The following SLC12A4 variants were observed in gnomAD, a reference collection of about 807,000 sequenced individuals.
SLC12A4 encodes the protein electroneutral potassium-chloride cotransporter 1.
A neutral mutation model predicts 119.2 loss-of-function variants in SLC12A4; 84 were observed. The observed-to-expected ratio is 0.70, with a 90% CI of 0.59 to 0.85. SLC12A4 has a LOEUF of 0.85. Ranked by LOEUF, SLC12A4 falls within the 40% of genes least tolerant of loss-of-function variation. The pLI is 0.00. For synonymous variants in SLC12A4, 599 were observed against 604.6 expected (o/e 0.99, Z 0.14); for missense variants, 1,298 against 1,476.3 (o/e 0.88, Z 1.98).
chr16:67,948,229 CTGGCCCAGAAACGGGGCG>C lies in SLC12A4; in HGVS notation c.1749-88_1749-71del. On this transcript the variant is annotated intron_variant, in intron 13 of 23. Transcript: ENST00000316341. ...CTGGGGACCTGATGTCAGGCTGGGC[CTGGCCCAGAAACGGGGCG>C]TGGCCCGGCCCTGCCCTGCATGGCT... is the stretch of plus-strand genomic sequence containing the variant. 3 of 1,504,202 alleles carry C rather than the reference CTGGCCCAGAAACGGGGCG, an allele frequency of 2.0e-6. No homozygotes were observed. In the Admixed American group the frequency reaches 5.1e-5, roughly 26 times the overall value. The allele number at this position is 1,504,202 out of a possible 1,614,324, so 93.2% of individuals were successfully genotyped here.
chr16:67,949,682 C>T lies in SLC12A4; in HGVS notation c.1748+118G>A, dbSNP rs1003617682. 6.5e-5 allele frequency: 44 copies of T among 681,734 alleles called. No individual in the cohort carries two copies. Among genetic ancestry groups the T allele is most frequent in the Non-Finnish European group, 9.9e-5 (40 of 405,710 alleles). 42.2% of individuals were successfully genotyped at this position (681,734 alleles called of 1,614,324 possible). ...GGCTGAGCCCTGTCAGGCCACATCT[C>T]CCCATGCAGCCTGCCACATCTCCCA... On this transcript the variant is annotated intron_variant, in intron 13 of 23. Coordinates refer to ENST00000316341, the MANE Select transcript of SLC12A4 (RefSeq NM_005072.5). The surrounding 1 kb of genome is among the most constrained non-coding windows in gnomAD (Gnocchi z 4.6).
intron 6 of SLC12A4, among the ~76,000 whole-genome samples, chr16:67,952,851 G>C (rs1208179034): frequency 6.6e-6 from 1 of 152,146 alleles, no homozygotes; most frequent in Non-Finnish European, 1.5e-5. Context: ...ACTTTGGGAG[G>C]CTGAGGCGGT....
Position 67,947,120 on chromosome 16 carries a change from T to TG in SLC12A4, c.2073-16dup, listed in dbSNP as rs753005066. The TG allele has an allele frequency of 1.9e-6, 3 of 1,570,294 alleles. No individual in the cohort carries two copies. Among genetic ancestry groups the TG allele is most frequent in the East Asian group, 2.4e-5 (1 of 42,110 alleles). On this transcript the variant is annotated splice_polypyrimidine_tract_variant and intron_variant, in intron 16 of 23. Transcript: ENST00000316341. ...GCAGCTGCGGCCTGCAGTGGCCGGG[T>TG]GGGGGGAGCCTGAGACCAGGGCCGG...
chr16:67,947,835 C>T, intron 14 of SLC12A4, 47 bp from the exon 15 acceptor site: 1 of 1,548,570 alleles, frequency 6.5e-7, no homozygotes. Flanking sequence ...AGGAGGACCC[C>T]TGGCCACAGC....
chr16:67,946,281 A>C lies in SLC12A4; in HGVS notation c.2497T>G (p.Phe833Val). The part of the protein sequence containing the change: ...LALLVPKNIA[F>V]YPSNHERYLE... The stretch of plus-strand genomic sequence containing the variant: ...TAGCGCTCGTGGTTGCTGGGGTAGA[A>C]GGCGATGTTCTTGGGCACGAGCAGG... Residue 833 changes from phenylalanine (F) to valine (V), a missense_variant, in exon 19 of 24, where the codon TTC (phenylalanine) becomes GTC (valine). Phe to Val is a conservative substitution (Grantham distance 50). Transcript: ENST00000316341. 6.2e-7 allele frequency: 1 copy of C among 1,613,392 alleles called. No homozygotes were observed. The highest frequency in any genetic ancestry group is 8.5e-7 in the Non-Finnish European group (1 of 1,180,014).
chr16:67,950,319 C>T lies in SLC12A4; in HGVS notation c.1629G>A (p.Arg543=), dbSNP rs761797121. ...IAKDNIIPFL[R]VFGHGKVNGE... is the part of the protein sequence containing the mutation. ...CATGGGGGAGTGCAGAGGGGCTCAC[C>T]CGGAGGAAGGGGATGATGTTGTCCT... The change falls in exon 12 of 24, where the codon CGG becomes CGA. Residue 543 remains arginine (R), a splice_region_variant and synonymous_variant. Transcript: ENST00000316341. The surrounding 1 kb of genome is among the most constrained non-coding windows in gnomAD (Gnocchi z 4.3). The T allele has an allele frequency of 9.3e-6, 15 of 1,613,258 alleles. No individual in the cohort carries two copies. In the South Asian group the frequency reaches 1.6e-4, roughly 18 times the overall value.
At chr16:67,952,991 G>A (rs746314358) in intron 6 of SLC12A4, among the ~76,000 whole-genome samples, 2 of 151,270 alleles carry the variant, frequency 1.3e-5, no homozygotes, top group Non-Finnish European at 2.9e-5. Flanking sequence ...CCAGCTACTC[G>A]GGAGGCTGAG....
Position 67,944,997 on chromosome 16 carries a change from GC to G in SLC12A4, c.3167-67del. 6.2e-7 allele frequency: 1 copy of G among 1,609,848 alleles called. No individual in the cohort carries two copies. Among genetic ancestry groups the G allele is most frequent in the African/African-American group, 1.3e-5 (1 of 75,002 alleles). ...GGGCAACCCGGGCCACCTGGGCCAT[GC>G]CCACCCAGGGGTGCCCAGGAGAGAA... On this transcript the variant is annotated intron_variant, in intron 23 of 23. Coordinates refer to ENST00000316341, the MANE Select transcript of SLC12A4 (RefSeq NM_005072.5). The surrounding 1 kb of genome is among the most constrained non-coding windows in gnomAD (Gnocchi z 6.6).
In SLC12A4 at chr16:67,943,763, T is replaced by G; in HGVS notation, c.*1077A>C. 3 of 602,458 alleles carry G rather than the reference T, an allele frequency of 5.0e-6. No homozygotes were observed. The highest frequency in any genetic ancestry group is 8.6e-6 in the Non-Finnish European group (3 of 349,330). 37.3% of individuals were successfully genotyped at this position (602,458 alleles called of 1,614,324 possible). On this transcript the variant is annotated 3_prime_UTR_variant, in exon 24 of 24. Coordinates refer to ENST00000316341, the MANE Select transcript of SLC12A4 (RefSeq NM_005072.5). This position sits in a 1 kb window ranked among gnomAD's most constrained non-coding sequence, Gnocchi z 4.6. ...TGGGTTAGACAACTGAGAGTCACAG[T>G]GTGGTGGGAGAAGGGACGTCATTCC... is the stretch of plus-strand genomic sequence containing the variant.
intron 17 of SLC12A4, 95 bp downstream of exon 17, chr16:67,946,842 T>A: frequency 7.0e-7 from 1 of 1,432,768 alleles, no homozygotes; most frequent in Non-Finnish European, 9.4e-7. Context: ...GCTGCCTGGC[T>A]GGCCACCCTG....
chr16:67,948,571 GTCAGAGATAC>G (rs1422871688), intron 13 of SLC12A4, among the ~76,000 whole-genome samples: 1 of 152,220 alleles, frequency 6.6e-6, no homozygotes, highest in Admixed American at 6.5e-5. Context: ...AATGCAACCA[GTCAGAGATAC>G]TTAAGAGTCA....
chr16:67,946,457 A>G lies in SLC12A4; in HGVS notation c.2418T>C (p.Arg806=). ...PYGWRQSEDP[R]AWKTFIDTVR... is the part of the protein sequence containing the mutation. Reference sequence around the variant, plus strand: ...ACACACCAATGAAGGTCTTCCAGGCACGGGGGTCCTCGCTCTGTCGCCAGC... The same window carrying G: ...ACACACCAATGAAGGTCTTCCAGGCGCGGGGGTCCTCGCTCTGTCGCCAGC... The change falls in exon 18 of 24, where the codon CGT becomes CGC. Residue 806 remains arginine, a synonymous_variant. Transcript: ENST00000316341. 6.2e-7 allele frequency: 1 copy of G among 1,606,224 alleles called. No homozygotes were observed. Among genetic ancestry groups the G allele is most frequent in the Non-Finnish European group, 8.5e-7 (1 of 1,179,894 alleles).
chr16:67,966,928 TGGCCAAGGTGG>T lies in SLC12A4; in HGVS notation c.115+1500_115+1510del, dbSNP rs1336775238. ...CAGTCACCCTGTAGGGGCCAAGGCG[TGGCCAAGGTGG>T]GGCCAGCAGCTAGGCTCAGCTCTGC... On this transcript the variant is annotated intron_variant, in intron 1 of 23. Coordinates refer to ENST00000316341, the MANE Select transcript of SLC12A4 (RefSeq NM_005072.5). 4 of 1,432,424 alleles carry T rather than the reference TGGCCAAGGTGG, an allele frequency of 2.8e-6. No individual in the cohort carries two copies. In the African/African-American group the frequency reaches 5.8e-5, roughly 21 times the overall value. The allele number at this position is 1,432,424 out of a possible 1,614,324, so 88.7% of individuals were successfully genotyped here.
intron 6 of SLC12A4, 47 bp from the exon 7 acceptor site, chr16:67,952,472 AG>A: frequency 6.2e-7 from 1 of 1,605,494 alleles, no homozygotes; most frequent in Non-Finnish European, 8.5e-7. Flanking sequence ...TTATTTGGAA[AG>A]TGAAACTTGT....
chr16:67,957,751 C>T lies in SLC12A4; in HGVS notation c.535G>A (p.Val179Met). ...GGTGGCGCTCACTGACCTGGAACCA[C>T]ACCGTTGGTGGCGATGGCACTCATG... Reference protein sequence around the residue: ...ISMSAIATNGVVPAGGSYFMI... With the variant: ...ISMSAIATNGMVPAGGSYFMI... The change falls in exon 5 of 24, where the codon GTG becomes ATG. Residue 179 changes from valine to methionine, a missense_variant. By Grantham distance (21) the Val-to-Met change is conservative. Transcript: ENST00000316341. The T allele has an allele frequency of 1.2e-6, 2 of 1,613,496 alleles. No individual in the cohort carries two copies. The highest frequency in any genetic ancestry group is 8.5e-7 in the Non-Finnish European group (1 of 1,180,028).
At chr16:67,945,343 G>A (rs1470053178) in intron 22 of SLC12A4, 26 bp downstream of exon 22, 18 of 1,600,788 alleles carry the variant, frequency 1.1e-5, no homozygotes, top group East Asian at 4.5e-5. Context: ...TTCCAGTGCC[G>A]CTGGGGCTGT....
Position 67,950,756 on chromosome 16 carries a change from C to A in SLC12A4, c.1397-45G>T. 6.3e-7 allele frequency: 1 copy of A among 1,578,672 alleles called. No homozygotes were observed. The highest frequency in any genetic ancestry group is 8.6e-7 in the Non-Finnish European group (1 of 1,162,714). On this transcript the variant is annotated intron_variant, in intron 10 of 23. Coordinates refer to ENST00000316341, the MANE Select transcript of SLC12A4 (RefSeq NM_005072.5). This position sits in a 1 kb window ranked among gnomAD's most constrained non-coding sequence, Gnocchi z 4.3. ...AACTCGGCCTCTGCCACCCCACTGTCCCTGAATAGTACCACGTGCCCCCAC... is the reference window on the plus strand; with the variant it reads ...AACTCGGCCTCTGCCACCCCACTGTACCTGAATAGTACCACGTGCCCCCAC...
rs1377390645 is a variant in SLC12A4, at chr16:67,952,236, G to A, written c.865C>T (p.Leu289Phe). 1.9e-6 allele frequency: 3 copies of A among 1,614,160 alleles called. No individual in the cohort carries two copies. The highest frequency in any genetic ancestry group is 4.5e-5 in the East Asian group (2 of 44,886). Reference sequence around the variant, plus strand: ...TTTATGCCCCCAGCATAGATGGAGAGGATGGAGATGATCACACAGGCCAGG... The same window carrying A: ...TTTATGCCCCCAGCATAGATGGAGAAGATGGAGATGATCACACAGGCCAGG... ...LFLACVIISI[L>F]SIYAGGIKSI... Residue 289 changes from leucine to phenylalanine, a missense_variant, in exon 7 of 24, where the codon CTC becomes TTC. By Grantham distance (22) the Leu-to-Phe change is conservative. Coordinates refer to ENST00000316341, the MANE Select transcript of SLC12A4 (RefSeq NM_005072.5).
chr16:67,946,192 G>A lies in SLC12A4; in HGVS notation c.2586C>T (p.Pro862=). The change falls in exon 19 of 24, where the codon CCC becomes CCT. Residue 862 remains proline (P), a synonymous_variant. Coordinates refer to ENST00000316341, the MANE Select transcript of SLC12A4 (RefSeq NM_005072.5). ...VHDGGMLMLL[P]FLLRQHKVWR... The stretch of plus-strand genomic sequence containing the variant: ...CTACCTTATGCTGGCGCAGCAGGAA[G>A]GGCAGAAGCATGAGCATGCCACCAT... The A allele has an allele frequency of 6.2e-7, 1 of 1,613,964 alleles. No homozygotes were observed. The highest frequency in any genetic ancestry group is 8.5e-7 in the Non-Finnish European group (1 of 1,180,042).
Sources: allele counts gnomAD v4.1 joint callset (sites outside exome capture counted in the v4.1 genomes callset), GRCh38; gene constraint gnomAD v4.1.1; non-coding constraint Gnocchi (gnomAD v3.1); transcripts MANE v1.5; gene names NCBI Gene and HGNC (gene_info 2026-07-23, HGNC 2026-07-21).